Variants in SULF2 observed in about 807,000 individuals in gnomAD.
SULF2 encodes the protein extracellular sulfatase Sulf-2.
In SULF2, 52 loss-of-function variants were observed where a neutral mutation model predicts 107.7. That is an observed-to-expected ratio of 0.48 (90% confidence interval 0.39 to 0.61). The LOEUF is 0.61. Among genes scored for constraint, SULF2 ranks in the 20% least tolerant of loss-of-function variants. The pLI is 0.00. For synonymous variants in SULF2, 460 were observed against 464.3 expected, an observed-to-expected ratio of 0.99 and a Z score of 0.12; for missense variants, 993 against 1,177.3, an observed-to-expected ratio of 0.84 and a Z score of 2.29.
chr20:47,753,179 C>T lies in SULF2; in HGVS notation c.175+4010G>A, dbSNP rs182237588. Among the ~76,000 whole-genome samples the T allele has an allele frequency of 3.4e-4, 52 of 151,740 alleles. No individual in the cohort carries two copies. In the East Asian group the frequency reaches 8.0e-3, roughly 23 times the overall value. On this transcript the variant is annotated intron_variant, in intron 2 of 20. Transcript: ENST00000688720. ...AGTCTCGTGGGGCACACTTCAAATC[C>T]GACAATCTGAGGGGCCTCGAAAAGG...
chr20:47,745,906 A>G (rs2090025028), intron 2 of SULF2, among the ~76,000 whole-genome samples: 1 of 152,186 alleles, frequency 6.6e-6, no homozygotes, highest in African/African-American at 2.4e-5. Context: ...TCTTGTCTGC[A>G]TGTGTGTTTG....
intron 3 of SULF2, among the ~76,000 whole-genome samples, chr20:47,728,897 C>T (rs1227806702): frequency 6.6e-6 from 1 of 152,242 alleles, no homozygotes; most frequent in Non-Finnish European, 1.5e-5. Context: ...CCACCCGCCT[C>T]AGCCTCCCAA....
chr20:47,705,488 T>G (rs4507151), intron 3 of SULF2, among the ~76,000 whole-genome samples: 127,022 of 152,198 alleles, frequency 0.83, 53,185 homozygotes, highest in East Asian at 0.92. Flanking sequence ...CAGCATGAGA[T>G]TCCCGGGCAA....
At position 47,747,018 on chromosome 20, in the gene SULF2, T is replaced by TATATATATATACACAC. The variant is rs1232551264; in HGVS notation, c.176-10077_176-10076insGTGTGTATATATATAT. Reference sequence around the variant, plus strand: ...AAATATATATATATATATATATATATACACACACACACACATAAAAAGGGA... The same window carrying TATATATATATACACAC: ...AAATATATATATATATATATATATATATATATATATACACACACACACACACACACATAAAAAGGGA... On this transcript the variant is annotated intron_variant, in intron 2 of 20. Transcript: ENST00000688720. Among the ~76,000 whole-genome samples, 17 of 75,112 alleles carry TATATATATATACACAC rather than the reference T, an allele frequency of 2.3e-4. No individual in the cohort carries two copies. In the East Asian group the frequency reaches 2.8e-3, roughly 12 times the overall value. 49.3% of individuals were successfully genotyped at this position (75,112 alleles called of 152,430 possible).
In SULF2 at chr20:47,748,449, C is replaced by T. The variant is rs138436942; in HGVS notation, c.175+8740G>A. 4.1e-3 allele frequency among the ~76,000 whole-genome samples: 631 copies of T among 152,376 alleles called. 6 individuals are homozygous for T. Among genetic ancestry groups the T allele is most frequent in the African/African-American group, 0.015 (608 of 41,584 alleles). ...TGTTGCTGAGACCCTCAGTTGCCCA[C>T]AAATATCTCTTTCTCCTTCTTCCTC... On this transcript the variant is annotated intron_variant, in intron 2 of 20. Transcript: ENST00000688720.
Position 47,663,125 on chromosome 20 carries a change from C to G in SULF2, c.2315G>C (p.Cys772Ser). Residue 772 changes from cysteine to serine, a missense_variant, in exon 17 of 21, where the codon TGT becomes TCT. By Grantham distance (112) the Cys-to-Ser change is moderately radical. Coordinates refer to ENST00000688720, the MANE Select transcript of SULF2 (RefSeq NM_001387048.1). The part of the protein sequence containing the change: ...TINETHNFLF[C>S]EFATGFLEYF... ...CTCTAGGAAGCCAGTTGCAAATTCA[C>G]AGAAGAGGAAATTGTGAGTCTCATT... 1 of 1,614,172 alleles carries G rather than the reference C, an allele frequency of 6.2e-7. No homozygotes were observed. The highest frequency in any genetic ancestry group is 8.5e-7 in the Non-Finnish European group (1 of 1,180,024).
intron 5 of SULF2, among the ~76,000 whole-genome samples, chr20:47,686,980 G>A (rs1044494869): frequency 1.3e-5 from 2 of 152,144 alleles, no homozygotes; most frequent in Non-Finnish European, 2.9e-5. Context: ...CTCTCCCACC[G>A]AGGAACTGAA....
intron 11 of SULF2, among the ~76,000 whole-genome samples, chr20:47,669,870 T>C (rs1297243954): frequency 1.3e-5 from 2 of 152,244 alleles, no homozygotes; most frequent in African/African-American, 4.8e-5. Flanking sequence ...TCTTGTATTA[T>C]TTAAAGATTA....
chr20:47,784,863 G>A (rs1600707941), intron 1 of SULF2, among the ~76,000 whole-genome samples: 1 of 152,308 alleles, frequency 6.6e-6, no homozygotes, highest in East Asian at 1.9e-4. Context: ...TGTCCTTTCG[G>A]TGTCTGCGAG....
At chr20:47,782,394 G>C (rs922602350) in intron 1 of SULF2, among the ~76,000 whole-genome samples, 3 of 152,308 alleles carry the variant, frequency 2.0e-5, no homozygotes, top group African/African-American at 7.2e-5. Flanking sequence ...CTTCAATCCG[G>C]CTGGGCCAGG....
At chr20:47,676,687 T>TGTGTGCCCACCTAGAGGG in intron 9 of SULF2, 64 bp from the exon 10 acceptor site, 1 of 1,539,280 alleles carries the variant, frequency 6.5e-7, no homozygotes, top group Non-Finnish European at 8.7e-7. Context: ...CCCGGAGGCA[T>TGTGTGCCCACCTAGAGGG]GTGTGCCCAC....
At chr20:47,689,634 TG>T (rs2088129652) in intron 5 of SULF2, 1 of 152,436 alleles carries the variant, frequency 6.6e-6, no homozygotes, top group Admixed American at 6.5e-5. Context: ...TGCTAGATTC[TG>T]GGATGATTTG....
intron 1 of SULF2, among the ~76,000 whole-genome samples, chr20:47,780,591 T>C (rs775399697): frequency 6.6e-5 from 10 of 152,166 alleles, no homozygotes; most frequent in Non-Finnish European, 1.0e-4. Context: ...TCTCACTTTG[T>C]TGCCCAGGCT....
At chr20:47,701,111 T>C (rs1042047368) in intron 4 of SULF2, among the ~76,000 whole-genome samples, 73 of 152,234 alleles carry the variant, frequency 4.8e-4, no homozygotes, top group African/African-American at 1.7e-3. Context: ...CATGAGTTGT[T>C]GAATGAATAA....
chr20:47,770,053 GTTTTTT>G (rs56786760), intron 1 of SULF2, among the ~76,000 whole-genome samples: 8 of 63,114 alleles, frequency 1.3e-4, no homozygotes, highest in African/African-American at 3.6e-4. Flanking sequence ...ATCTGGTGTA[GTTTTTT>G]TTTTTTTTTT....
chr20:47,744,818 G>A (rs1045140990), intron 2 of SULF2, among the ~76,000 whole-genome samples: 1 of 152,164 alleles, frequency 6.6e-6, no homozygotes, highest in African/African-American at 2.4e-5. Context: ...GCATGGGGCA[G>A]GCTGAGGATG....
intron 1 of SULF2, among the ~76,000 whole-genome samples, chr20:47,779,393 C>T (rs1210038666): frequency 1.3e-5 from 2 of 152,126 alleles, no homozygotes; most frequent in Non-Finnish European, 2.9e-5. Context: ...CCTGTGGGCC[C>T]TACCTCCAAA....
chr20:47,675,545 C>T (rs1488536795), intron 10 of SULF2, among the ~76,000 whole-genome samples: 8 of 152,206 alleles, frequency 5.3e-5, no homozygotes. Context: ...CATTCAAATG[C>T]AGTCCATCAG....
intron 3 of SULF2, among the ~76,000 whole-genome samples, chr20:47,715,093 ATTTT>A (rs869126418): frequency 7.8e-6 from 1 of 128,998 alleles, no homozygotes. Flanking sequence ...TAACTTTTGT[ATTTT>A]TTTTTTTTTT....
Sources: gnomAD v4.1 joint callset for allele counts (sites outside exome capture counted in the v4.1 genomes callset) on GRCh38, gnomAD v4.1.1 for gene constraint, MANE v1.5 for transcripts, NCBI Gene and HGNC (gene_info 2026-07-23, HGNC 2026-07-21) for gene names.